PACS1: variants seen among roughly 807,000 people sequenced by gnomAD.
PACS1 encodes the protein phosphofurin acidic cluster sorting protein 1.
A neutral mutation model predicts 115.0 loss-of-function variants in PACS1; 24 were observed. The observed-to-expected ratio is 0.21, with a 90% CI of 0.15 to 0.29. The LOEUF is 0.29. Ranked by LOEUF, PACS1 falls within the 10% of genes least tolerant of loss-of-function variation. The pLI is 1.00. For missense variants in PACS1, 838 were observed against 1,251.2 expected (o/e 0.67, Z 4.98); for synonymous variants, 453 against 504.5 (o/e 0.90, Z 1.37).
chr11:66,217,610 G>A (rs1283635492), intron 7 of PACS1: 1 of 456,198 alleles, frequency 2.2e-6, no homozygotes, highest in South Asian at 1.5e-5. Flanking sequence ...GGTGTCACTG[G>A]ACTTCAGGTA....
intron 2 of PACS1, among the ~76,000 whole-genome samples, chr11:66,205,959 G>A (rs1404723465): frequency 1.2e-4 from 18 of 152,084 alleles, no homozygotes; most frequent in Admixed American, 9.2e-4. Context: ...ACCAGCCTGG[G>A]CGACATGGTC....
chr11:66,202,929 GCCTTT>G (rs2134688400), intron 2 of PACS1, among the ~76,000 whole-genome samples: 1 of 151,682 alleles, frequency 6.6e-6, no homozygotes, highest in East Asian at 1.9e-4. Context: ...AAAACTGAAA[GCCTTT>G]CCTTTAAGAT....
chr11:66,079,302 G>C (rs893074162), intron 1 of PACS1, among the ~76,000 whole-genome samples: 1 of 41,786 alleles, frequency 2.4e-5, no homozygotes, highest in Non-Finnish European at 6.7e-5. Context: ...CTTTGTAGCA[G>C]GTTTTTTTTT....
chr11:66,095,536 C>T (rs1565104156), intron 1 of PACS1, among the ~76,000 whole-genome samples: 1 of 152,218 alleles, frequency 6.6e-6, no homozygotes, highest in African/African-American at 2.4e-5. Context: ...CCACTCACTA[C>T]GAACTCAATC....
intron 1 of PACS1, among the ~76,000 whole-genome samples, chr11:66,087,191 G>A (rs574969660): frequency 1.3e-5 from 2 of 151,356 alleles, no homozygotes; most frequent in African/African-American, 4.8e-5. Context: ...AGTTTTGCCT[G>A]CTTTTGTACT....
At chr11:66,135,625 C>G (rs575420948) in intron 1 of PACS1, among the ~76,000 whole-genome samples, 1 of 151,840 alleles carries the variant, frequency 6.6e-6, no homozygotes, top group Non-Finnish European at 1.5e-5. Flanking sequence ...CTGCCTGAGG[C>G]CTGCCCTCAT....
At chr11:66,220,201 TG>T (rs1231415039) in intron 8 of PACS1, 1 of 306,282 alleles carries the variant, frequency 3.3e-6, no homozygotes, top group Non-Finnish European at 6.2e-6. Flanking sequence ...TAACCAGGAA[TG>T]GGGCTGCTGA....
intron 2 of PACS1, among the ~76,000 whole-genome samples, chr11:66,209,172 G>A (rs1005792027): frequency 6.6e-6 from 1 of 151,898 alleles, no homozygotes; most frequent in Admixed American, 6.6e-5. Context: ...GCTGAGACCT[G>A]AAAGATGAGT....
chr11:66,086,732 C>T (rs1420308205), intron 1 of PACS1, among the ~76,000 whole-genome samples: 1 of 152,202 alleles, frequency 6.6e-6, no homozygotes, highest in Admixed American at 6.5e-5. Context: ...TCTCGTGCCT[C>T]AGCCTCCTGA....
rs71457704 is a variant in PACS1, at chr11:66,236,381, G to A, written c.2250+441G>A. On this transcript the variant is annotated intron_variant, in intron 19 of 23. Coordinates refer to ENST00000320580, the MANE Select transcript of PACS1 (RefSeq NM_018026.4). This position sits in a 1 kb window ranked among gnomAD's most constrained non-coding sequence, Gnocchi z 4.2. ...GGAGTGATGTCCAGACGTGGCTCAC[G>A]GGAAAGGGAGCTGCTTTGGTAGTAG... is the stretch of plus-strand genomic sequence containing the variant. Among the ~76,000 whole-genome samples the A allele has an allele frequency of 0.026, 3,969 of 152,274 alleles. 79 individuals are homozygous for A. Among genetic ancestry groups the A allele is most frequent in the Non-Finnish European group, 0.041 (2,766 of 68,014 alleles).
intron 1 of PACS1, among the ~76,000 whole-genome samples, chr11:66,179,482 G>T (rs1311110250): frequency 6.6e-6 from 1 of 152,034 alleles, no homozygotes; most frequent in Non-Finnish European, 1.5e-5. Context: ...AGGCCTAGAG[G>T]TTTCCTAGAT....
chr11:66,233,941 TA>T lies in PACS1; in HGVS notation c.1993+5del, dbSNP rs755334128. The T allele has an allele frequency of 5.1e-6, 8 of 1,570,336 alleles. No homozygotes were observed. Among genetic ancestry groups the T allele is most frequent in the Admixed American group, 3.5e-5 (2 of 56,390 alleles). On this transcript the variant is annotated splice_donor_region_variant and intron_variant, in intron 16 of 23. Transcript: ENST00000320580. The surrounding 1 kb of genome is among the most constrained non-coding windows in gnomAD (Gnocchi z 4.5). The stretch of plus-strand genomic sequence containing the variant: ...TGCGCTTCCTCATCATCCCCCTCGG[TA>T]AAGACGGGAGGCACCAGGAGGGCGT...
At chr11:66,229,428 G>C (rs1471420616) in intron 11 of PACS1, among the ~76,000 whole-genome samples, 2 of 151,442 alleles carry the variant, frequency 1.3e-5, no homozygotes, top group African/African-American at 4.9e-5. Context: ...GGCTGGGGGC[G>C]GTGGTTCATG....
chr11:66,182,400 C>G (rs953159619), intron 1 of PACS1, among the ~76,000 whole-genome samples: 4 of 151,936 alleles, frequency 2.6e-5, no homozygotes, highest in African/African-American at 9.7e-5. Flanking sequence ...TGATATTCTC[C>G]CATCTGAGTG....
intron 1 of PACS1, among the ~76,000 whole-genome samples, chr11:66,172,873 G>A (rs1859770343): frequency 6.6e-6 from 1 of 151,702 alleles, no homozygotes; most frequent in Non-Finnish European, 1.5e-5. Flanking sequence ...CTACTCAGAA[G>A]GCTGAGGCAG....
At chr11:66,178,654 GT>G (rs898499698) in intron 1 of PACS1, among the ~76,000 whole-genome samples, 2 of 151,914 alleles carry the variant, frequency 1.3e-5, no homozygotes, top group African/African-American at 2.4e-5. Flanking sequence ...AAAAATGGAT[GT>G]TTTTATGAAA....
intron 1 of PACS1, among the ~76,000 whole-genome samples, chr11:66,106,432 C>T (rs538556427): frequency 1.3e-5 from 2 of 151,994 alleles, no homozygotes; most frequent in South Asian, 2.1e-4. Context: ...ATTAGCCGGG[C>T]GTGGTGACAC....
intron 1 of PACS1, among the ~76,000 whole-genome samples, chr11:66,140,507 C>T (rs1858954421): frequency 6.6e-6 from 1 of 152,142 alleles, no homozygotes; most frequent in African/African-American, 2.4e-5. Context: ...CGGTGCATGG[C>T]TGAGAGAGGG....
chr11:66,199,875 T>G (rs1341579503), intron 2 of PACS1, among the ~76,000 whole-genome samples: 1 of 151,588 alleles, frequency 6.6e-6, no homozygotes, highest in African/African-American at 2.4e-5. Flanking sequence ...AAAAATTAGC[T>G]GGGTGTAGTG....
Sources: allele counts gnomAD v4.1 joint callset (sites outside exome capture counted in the v4.1 genomes callset), GRCh38; gene constraint gnomAD v4.1.1; non-coding constraint Gnocchi (gnomAD v3.1); transcripts MANE v1.5; gene names NCBI Gene and HGNC (gene_info 2026-07-23, HGNC 2026-07-21).